PRKG1: variants seen among roughly 807,000 people sequenced by gnomAD.
PRKG1 encodes the protein protein kinase cGMP-dependent 1.
PRKG1 carries 35 observed loss-of-function variants against 88.1 expected under a neutral mutation model. The observed-to-expected ratio is 0.40, with a 90% CI of 0.30 to 0.53. The LOEUF is 0.53. PRKG1 is among the 20% of genes least tolerant of loss of function. PRKG1 has a pLI of 0.59. For synonymous variants in PRKG1, 303 were observed against 292.5 expected, an observed-to-expected ratio of 1.04 and a Z score of -0.37; for missense variants, 540 against 839.8, an observed-to-expected ratio of 0.64 and a Z score of 4.41.
intron 2 of PRKG1, among the ~76,000 whole-genome samples, chr10:51,407,399 C>A (rs531194211): frequency 6.6e-6 from 1 of 152,056 alleles, no homozygotes. Flanking sequence ...GTTAACAATA[C>A]TTAAATGATG....
At chr10:51,873,432 T>C (rs1460422189) in intron 4 of PRKG1, among the ~76,000 whole-genome samples, 1 of 152,102 alleles carries the variant, frequency 6.6e-6, no homozygotes, top group Non-Finnish European at 1.5e-5. Flanking sequence ...TTCAGGTTAA[T>C]TGAAGTTAAT....
At chr10:51,771,255 A>G (rs1278136988) in intron 3 of PRKG1, among the ~76,000 whole-genome samples, 1 of 152,210 alleles carries the variant, frequency 6.6e-6, no homozygotes, top group African/African-American at 2.4e-5. Flanking sequence ...TGGGACCACC[A>G]TTCCGTATGC....
chr10:51,178,600 G>A (rs1378382422), intron 2 of PRKG1, among the ~76,000 whole-genome samples: 1 of 152,054 alleles, frequency 6.6e-6, no homozygotes, highest in Non-Finnish European at 1.5e-5. Context: ...TTATGCCACT[G>A]CACTCCGGCC....
At chr10:51,026,274 G>C (rs73322628) in intron 1 of PRKG1, among the ~76,000 whole-genome samples, 4,277 of 152,210 alleles carry the variant, frequency 0.028, 78 homozygotes, top group African/African-American at 0.042. Context: ...TGTTATAACA[G>C]CCCTAGGAAG....
intron 7 of PRKG1, among the ~76,000 whole-genome samples, chr10:52,088,301 A>C (rs923336772): frequency 2.6e-5 from 4 of 151,008 alleles, no homozygotes; most frequent in African/African-American, 4.8e-5. Context: ...ATGAGGAAAT[A>C]GTTTGTTTAC....
intron 5 of PRKG1, among the ~76,000 whole-genome samples, chr10:52,036,517 T>C (rs564548545): frequency 2.6e-5 from 4 of 151,790 alleles, no homozygotes; most frequent in Admixed American, 2.0e-4. Flanking sequence ...GATATTGGCG[T>C]TGAGTGGGGT....
At chr10:51,957,107 C>CTCTT (rs149462049) in intron 5 of PRKG1, among the ~76,000 whole-genome samples, 36,233 of 116,936 alleles carry the variant, frequency 0.31, 4,642 homozygotes, top group East Asian at 0.56. Context: ...CTTTCTCTCT[C>CTCTT]TCTTTCTTTC....
chr10:51,724,653 G>T lies in PRKG1; in HGVS notation c.593-79932G>T, dbSNP rs368219325. Among the ~76,000 whole-genome samples, 6 of 152,088 alleles carry T rather than the reference G, an allele frequency of 3.9e-5. No individual in the cohort carries two copies. In the East Asian group the frequency reaches 9.6e-4, roughly 24 times the overall value. ...GATCCTCTTGCTGTGGCCTCCAAAA[G>T]TGTTGGGATTATAGGCAAGAGCCAC... On this transcript the variant is annotated intron_variant, in intron 3 of 17. Transcript: ENST00000373980.
At chr10:52,212,648 G>A (rs1249597208) in intron 9 of PRKG1, among the ~76,000 whole-genome samples, 1 of 151,490 alleles carries the variant, frequency 6.6e-6, no homozygotes, top group Admixed American at 6.6e-5. Context: ...TAAAAAAAAA[G>A]AGAAATACTA....
At chr10:52,245,489 C>T (rs1840999791) in intron 9 of PRKG1, among the ~76,000 whole-genome samples, 1 of 152,192 alleles carries the variant, frequency 6.6e-6, no homozygotes, top group South Asian at 2.1e-4. Context: ...AGGATGCTCT[C>T]TTGTAGCATT....
chr10:52,165,674 A>C (rs1160002572), intron 9 of PRKG1, among the ~76,000 whole-genome samples: 3 of 152,230 alleles, frequency 2.0e-5, no homozygotes, highest in Non-Finnish European at 4.4e-5. Context: ...TTAGTTATCC[A>C]TGGGAAATGG....
chr10:51,645,977 G>A (rs1839905570), intron 3 of PRKG1, among the ~76,000 whole-genome samples: 3 of 152,246 alleles, frequency 2.0e-5, no homozygotes, highest in African/African-American at 4.8e-5. Context: ...ATAACATCAA[G>A]TATTAAGCCT....
chr10:52,186,401 A>G (rs942209484), intron 9 of PRKG1, among the ~76,000 whole-genome samples: 1 of 151,838 alleles, frequency 6.6e-6, no homozygotes, highest in Non-Finnish European at 1.5e-5. Flanking sequence ...TGATCCAATC[A>G]CCTCCTGCTA....
intron 1 of PRKG1, among the ~76,000 whole-genome samples, chr10:51,055,582 A>C (rs1332592337): frequency 6.6e-6 from 1 of 151,922 alleles, no homozygotes; most frequent in Non-Finnish European, 1.5e-5. Flanking sequence ...AAATACAAAA[A>C]AAAAAAATTA....
In PRKG1 at chr10:51,728,453, G is replaced by A. The variant is rs201483328; in HGVS notation, c.593-76132G>A. Among the ~76,000 whole-genome samples the A allele has an allele frequency of 2.2e-3, 130 of 58,814 alleles. 1 individual carries two copies. The highest frequency in any genetic ancestry group is 7.9e-3 in the African/African-American group (127 of 16,164). The allele number at this position is 58,814 out of a possible 152,430, so 38.6% of individuals were successfully genotyped here. On this transcript the variant is annotated intron_variant, in intron 3 of 17. Transcript: ENST00000373980. ...AATAGCAAAATTCCATTTTTTCTTT[G>A]TTTTTTTTTTTTTTTTTTTTTTTTT...
intron 3 of PRKG1, chr10:51,699,526 GTC>G (rs1841404869): frequency 1.2e-6 from 2 of 1,611,416 alleles, no homozygotes; most frequent in East Asian, 2.2e-5. Context: ...CCATTGCCGG[GTC>G]TCTCACCGCC....
chr10:51,996,944 T>TA (rs973415192), intron 5 of PRKG1, among the ~76,000 whole-genome samples: 97 of 152,090 alleles, frequency 6.4e-4, no homozygotes, highest in African/African-American at 2.2e-3. Flanking sequence ...AATTCAGCCA[T>TA]AAAAAAGGAG....
At chr10:51,337,704 C>A (rs975818332) in intron 2 of PRKG1, among the ~76,000 whole-genome samples, 5 of 152,098 alleles carry the variant, frequency 3.3e-5, no homozygotes, top group Non-Finnish European at 7.4e-5. Flanking sequence ...GATGAGATAC[C>A]GTCTCATGCT....
intron 2 of PRKG1, among the ~76,000 whole-genome samples, chr10:51,357,531 G>T (rs1842392576): frequency 6.6e-6 from 1 of 151,868 alleles, no homozygotes; most frequent in Admixed American, 6.6e-5. Context: ...ATTCAGTTAA[G>T]GCAACTCTTA....
Sources: allele counts gnomAD v4.1 joint callset (sites outside exome capture counted in the v4.1 genomes callset), GRCh38; gene constraint gnomAD v4.1.1; transcripts MANE v1.5; gene names NCBI Gene and HGNC (gene_info 2026-07-23, HGNC 2026-07-21).